MMAA: variants seen among roughly 807,000 people sequenced by gnomAD.
MMAA encodes methylmalonic aciduria type A protein, mitochondrial.
MMAA carries 41 observed loss-of-function variants against 45.0 expected under a neutral mutation model. That is an observed-to-expected ratio of 0.91 (90% CI 0.71 to 1.18). The LOEUF (loss-of-function observed/expected upper bound fraction) is 1.18. Ranked by LOEUF, MMAA falls within the 50% of genes most tolerant of loss-of-function variation. The probability of loss-of-function intolerance (pLI) is 0.00; values close to 1 mark genes in which losing one functional copy is unlikely to be tolerated. For missense variants in MMAA, 460 were observed against 495.7 expected (o/e 0.93, Z 0.68); for synonymous variants, 154 against 178.2 (o/e 0.86, Z 1.08).
chr4:145,639,078 G>C lies in MMAA; in HGVS notation c.-62G>C. The C allele has an allele frequency of 6.8e-7, 1 of 1,460,624 alleles. No individual in the cohort carries two copies. 90.5% of individuals were successfully genotyped at this position (1,460,624 alleles called of 1,614,324 possible). On this transcript the variant is annotated 5_prime_UTR_variant, in exon 2 of 7. Coordinates refer to ENST00000649156, the MANE Select transcript of MMAA (RefSeq NM_172250.3). Reference sequence around the variant, plus strand: ...AACATGTTTTTCTTTCTTCTAGGGAGGTCACAATCACATTGAGCCAAAACG... The same window carrying C: ...AACATGTTTTTCTTTCTTCTAGGGACGTCACAATCACATTGAGCCAAAACG...
chr4:145,640,300 A>G (rs1254862335), intron 2 of MMAA, among the ~76,000 whole-genome samples: 1 of 151,762 alleles, frequency 6.6e-6, no homozygotes, highest in Non-Finnish European at 1.5e-5. Context: ...TTTAATAGAG[A>G]CAGGGTTTCA....
Position 145,654,006 on chromosome 4 carries a change from G to A in MMAA, c.832G>A (p.Gly278Ser). ...CTGATCTCTTTAGGGTATCAAAAGG[G>A]GTATAATCGAGATGGCAGATCTGGT... ...GGDELQGIKR[G>S]IIEMADLVAV... The change falls in exon 6 of 7, where the codon GGT (glycine) becomes AGT (serine). Residue 278 changes from glycine (G) to serine (S), a missense_variant. Physicochemically the swap from Gly to Ser is moderately conservative, Grantham distance 56. Transcript: ENST00000649156. 6.2e-7 allele frequency: 1 copy of A among 1,614,088 alleles called. No homozygotes were observed. Among genetic ancestry groups the A allele is most frequent in the Non-Finnish European group, 8.5e-7 (1 of 1,179,992 alleles).
chr4:145,625,375 G>A, intron 1 of MMAA: 2 of 701,210 alleles, frequency 2.9e-6, no homozygotes, highest in Non-Finnish European at 5.4e-6. Context: ...GGGGGTTGGT[G>A]CTGGGTATGT....
chr4:145,623,097 A>G (rs755283591), intron 1 of MMAA, among the ~76,000 whole-genome samples: 6 of 152,256 alleles, frequency 3.9e-5, no homozygotes, highest in Non-Finnish European at 8.8e-5. Context: ...AGATTGAGAA[A>G]ACATCAGTAG....
intron 1 of MMAA, among the ~76,000 whole-genome samples, chr4:145,620,991 G>A (rs903155753): frequency 6.6e-6 from 1 of 152,118 alleles, no homozygotes; most frequent in Admixed American, 6.5e-5. Flanking sequence ...ATTTGAGTAG[G>A]AGGCTAAGGA....
chr4:145,625,507 G>GTTCAT, intron 1 of MMAA: 1 of 732,498 alleles, frequency 1.4e-6, no homozygotes. Context: ...TCCAGGAAGG[G>GTTCAT]CCCAATATTT....
chr4:145,620,192 C>T (rs1734062328), intron 1 of MMAA, among the ~76,000 whole-genome samples: 1 of 152,152 alleles, frequency 6.6e-6, no homozygotes, highest in Non-Finnish European at 1.5e-5. Flanking sequence ...AATAATTTTG[C>T]ACTAAATACC....
chr4:145,651,450 C>G (rs1027027635), intron 5 of MMAA, among the ~76,000 whole-genome samples: 14 of 152,122 alleles, frequency 9.2e-5, no homozygotes, highest in Non-Finnish European at 2.1e-4. Context: ...GTTGTTAGTA[C>G]GTTGATTCAA....
intron 1 of MMAA, chr4:145,625,663 GTC>G: frequency 7.9e-7 from 1 of 1,267,980 alleles, no homozygotes; most frequent in South Asian, 1.2e-5. Flanking sequence ...AAACTGCCCA[GTC>G]TCTCTAGGCA....
At chr4:145,648,080 C>A (rs144696400) in intron 4 of MMAA, among the ~76,000 whole-genome samples, 71 of 149,108 alleles carry the variant, frequency 4.8e-4, no homozygotes, top group African/African-American at 1.8e-3. Flanking sequence ...AGGATGGTCT[C>A]GAACTCCTGA....
At position 145,639,517 on chromosome 4, in the gene MMAA, A is replaced by G. The variant is rs750237065; in HGVS notation, c.378A>G (p.Val126=). Residue 126 remains valine, a synonymous_variant, in exon 2 of 7, where the codon GTA becomes GTG. Transcript: ENST00000649156. ...TAGCCCAGGTGCTTCTTCAGAAAGTATTACTTTACCACAGAGAACAAGAAC... is the reference window on the plus strand; with the variant it reads ...TAGCCCAGGTGCTTCTTCAGAAAGTGTTACTTTACCACAGAGAACAAGAAC... ...KELAQVLLQK[V]LLYHREQEQS... is the part of the protein sequence containing the mutation. 3.1e-5 allele frequency: 50 copies of G among 1,613,856 alleles called. No individual in the cohort carries two copies. Among genetic ancestry groups the G allele is most frequent in the Non-Finnish European group, 4.0e-5 (47 of 1,179,868 alleles).
intron 1 of MMAA, among the ~76,000 whole-genome samples, chr4:145,633,918 G>T (rs1727532031): frequency 6.6e-6 from 1 of 152,206 alleles, no homozygotes; most frequent in Admixed American, 6.5e-5. Context: ...CTCCCAAACA[G>T]AATCTCTGTC....
At chr4:145,635,889 CTTCT>C (rs2126614676) in intron 1 of MMAA, among the ~76,000 whole-genome samples, 1 of 152,292 alleles carries the variant, frequency 6.6e-6, no homozygotes, top group East Asian at 1.9e-4. Context: ...AGCCAAAGGA[CTTCT>C]TTGTTATTTT....
chr4:145,655,509 A>C lies in MMAA; in HGVS notation c.*75A>C, dbSNP rs1209475192. The C allele has an allele frequency of 7.6e-7, 1 of 1,314,542 alleles. No individual in the cohort carries two copies. Among genetic ancestry groups the C allele is most frequent in the Non-Finnish European group, 1.1e-6 (1 of 950,724 alleles). The allele number at this position is 1,314,542 out of a possible 1,614,324, so 81.4% of individuals were successfully genotyped here. On this transcript the variant is annotated 3_prime_UTR_variant, in exon 7 of 7. Coordinates refer to ENST00000649156, the MANE Select transcript of MMAA (RefSeq NM_172250.3). ...TAATAGAAAAATCACTTGTATGCTT[A>C]TATTTTCAGTAATTATTGTATGGTG...
intron 5 of MMAA, 70 bp from the exon 6 acceptor site, chr4:145,653,924 C>CA (rs1232592145): frequency 6.6e-7 from 1 of 1,524,004 alleles, no homozygotes; most frequent in Non-Finnish European, 9.1e-7. Context: ...GTATGACTTT[C>CA]AAAATCTGAG....
chr4:145,651,187 A>G (rs748863136), intron 5 of MMAA, 40 bp downstream of exon 5: 57 of 1,530,944 alleles, frequency 3.7e-5, no homozygotes, highest in Admixed American at 2.0e-4. Context: ...TATAAAATGT[A>G]TATCTCTGAA....
At chr4:145,643,724 G>A (rs72950830) in intron 3 of MMAA, among the ~76,000 whole-genome samples, 2,090 of 152,156 alleles carry the variant, frequency 0.014, 45 homozygotes, top group African/African-American at 0.048. Context: ...TTAAAAGTAA[G>A]TACTTAATGA....
chr4:145,629,175 G>A (rs1208872367), intron 1 of MMAA, among the ~76,000 whole-genome samples: 1 of 152,050 alleles, frequency 6.6e-6, no homozygotes, highest in African/African-American at 2.4e-5. Flanking sequence ...CTGTCGCCCA[G>A]GCTGGAGTGC....
intron 1 of MMAA, among the ~76,000 whole-genome samples, chr4:145,637,617 C>A (rs1473269177): frequency 6.6e-6 from 1 of 152,074 alleles, no homozygotes; most frequent in Non-Finnish European, 1.5e-5. Context: ...TACAGGTATA[C>A]CTTGGAGCAA....
Sources: allele counts gnomAD v4.1 joint callset (sites outside exome capture counted in the v4.1 genomes callset), GRCh38; gene constraint gnomAD v4.1.1; transcripts MANE v1.5; gene names NCBI Gene and HGNC (gene_info 2026-07-23, HGNC 2026-07-21).